NF1: variants seen among roughly 807,000 people sequenced by gnomAD.
The protein encoded by NF1 is neurofibromin 1, also known as neurofibromin.
Under a neutral mutation model 325.7 loss-of-function variants are expected in NF1, and 122 were observed. The observed-to-expected ratio is 0.37, with a 90% CI of 0.32 to 0.44. The LOEUF is 0.44. NF1 is among the 20% of genes least tolerant of loss of function. The probability of loss-of-function intolerance (pLI) is 1.00; values close to 1 mark genes in which losing one functional copy is unlikely to be tolerated. For missense variants in NF1, 2,140 were observed against 3,415.4 expected (o/e 0.63, Z 9.31); for synonymous variants, 1,091 against 1,186.0 (o/e 0.92, Z 1.65).
chr17:31,155,637 T>A (rs1436778471), intron 1 of NF1, among the ~76,000 whole-genome samples: 1 of 152,256 alleles, frequency 6.6e-6, no homozygotes, highest in African/African-American at 2.4e-5. Flanking sequence ...ATAGCTCTGT[T>A]TCTGTGAGTC....
intron 11 of NF1, 134 bp downstream of exon 11, chr17:31,201,619 T>C: frequency 1.4e-6 from 1 of 691,068 alleles, no homozygotes; most frequent in African/African-American, 1.8e-5. Context: ...GGAAAATTTC[T>C]CCATGGTGAT....
chr17:31,103,180 C>T (rs1912517634), intron 1 of NF1, among the ~76,000 whole-genome samples: 1 of 151,406 alleles, frequency 6.6e-6, no homozygotes, highest in African/African-American at 2.4e-5. Flanking sequence ...CTGTTTTTTG[C>T]CCTACTCTTT....
chr17:31,310,443 T>C (rs1238297222), intron 36 of NF1, among the ~76,000 whole-genome samples: 1 of 149,982 alleles, frequency 6.7e-6, no homozygotes, highest in Non-Finnish European at 1.5e-5. Context: ...TGGGGGGAGA[T>C]GATTGAAGTA....
rs2151538174 is a variant in NF1, at chr17:31,326,008, C to T, written c.5024C>T (p.Ser1675Phe). 1 of 1,614,194 alleles carries T rather than the reference C, an allele frequency of 6.2e-7. No homozygotes were observed. ...VFPGFAYDNVSAVYIYNCNSW... is the reference protein window; with the variant it reads ...VFPGFAYDNVFAVYIYNCNSW... ...CCTGGCTTTGCTTACGACAACGTCT[C>T]CGCAGTCTATATCTATAACTGTAAC... The change falls in exon 37 of 58, where the codon TCC (serine) becomes TTC (phenylalanine). Residue 1675 changes from serine (S) to phenylalanine (F), a missense_variant. Around this residue, in one of 10 missense-constraint regions of NF1, gnomAD observed 103 missense variants for 214.6 expected, o/e 0.48. Coordinates refer to ENST00000358273, the MANE Select transcript of NF1 (RefSeq NM_001042492.3).
At chr17:31,226,771 TG>T (rs1304767081) in intron 18 of NF1, 87 bp downstream of exon 18, 1 of 1,566,092 alleles carries the variant, frequency 6.4e-7, no homozygotes, top group Non-Finnish European at 8.7e-7. Context: ...GTCACTACTT[TG>T]TAAGTTTACA....
At chr17:31,258,275 GAA>G (rs1306439704) in intron 31 of NF1, 67 bp from the exon 32 acceptor site, 7 of 1,560,174 alleles carry the variant, frequency 4.5e-6, no homozygotes, top group Non-Finnish European at 6.2e-6. Flanking sequence ...TTTGACCTTT[GAA>G]CTCTTTGTTT....
chr17:31,300,737 A>AT (rs2068556124), intron 36 of NF1, among the ~76,000 whole-genome samples: 2 of 152,182 alleles, frequency 1.3e-5, no homozygotes, highest in South Asian at 4.1e-4. Context: ...ATTCCTCTCC[A>AT]TTGATTATAC....
At chr17:31,335,849 T>C (rs1365530911) in intron 40 of NF1, among the ~76,000 whole-genome samples, 2 of 130,052 alleles carry the variant, frequency 1.5e-5, no homozygotes, top group African/African-American at 5.3e-5. Context: ...TGGCTAATTT[T>C]TGTATTTTTT....
chr17:31,252,137 T>TA (rs2067504717), intron 30 of NF1: 2 of 216,810 alleles, frequency 9.2e-6, no homozygotes, highest in Admixed American at 1.2e-4. Flanking sequence ...TTTTTTTTTT[T>TA]TTAAGATATT....
At chr17:31,176,422 GGTAGATT>G (rs1178376835) in intron 5 of NF1, among the ~76,000 whole-genome samples, 12 of 152,138 alleles carry the variant, frequency 7.9e-5, no homozygotes, top group African/African-American at 2.4e-4. Flanking sequence ...TTGTCAGATG[GGTAGATT>G]GCAAAAATTT....
In NF1 at chr17:31,142,858, C is replaced by T. The variant is rs150192181; in HGVS notation, c.61-13125C>T. ...CTCCAGCCTGGGCGATAGAGCGAGACTCTGTCTCAAAAAAAAAAAAAAATT... is the reference window on the plus strand; with the variant it reads ...CTCCAGCCTGGGCGATAGAGCGAGATTCTGTCTCAAAAAAAAAAAAAAATT... On this transcript the variant is annotated intron_variant, in intron 1 of 57. Transcript: ENST00000358273. Among the ~76,000 whole-genome samples the T allele has an allele frequency of 5.5e-3, 709 of 129,826 alleles. 6 individuals are homozygous for T. Among genetic ancestry groups the T allele is most frequent in the Non-Finnish European group, 8.9e-3 (507 of 57,040 alleles). 85.2% of individuals were successfully genotyped at this position (129,826 alleles called of 152,430 possible).
At chr17:31,218,020 C>T (rs957201127) in intron 13 of NF1, among the ~76,000 whole-genome samples, 9 of 151,666 alleles carry the variant, frequency 5.9e-5, no homozygotes, top group Non-Finnish European at 2.9e-5. Context: ...TATTTTTCCA[C>T]GATGAAAAGG....
intron 8 of NF1, among the ~76,000 whole-genome samples, chr17:31,184,372 G>T (rs900227163): frequency 1.1e-4 from 16 of 152,260 alleles, no homozygotes; most frequent in Admixed American, 2.0e-4. Flanking sequence ...ATGATGGGCC[G>T]GGCGCGGTGG....
intron 55 of NF1, 71 bp downstream of exon 55, chr17:31,358,693 A>C (rs2151585445): frequency 6.4e-7 from 1 of 1,555,172 alleles, no homozygotes; most frequent in Non-Finnish European, 8.9e-7. Flanking sequence ...GAATGCACTG[A>C]CTACAGAATT....
chr17:31,261,490 G>C (rs981642623), intron 34 of NF1, among the ~76,000 whole-genome samples: 2 of 152,150 alleles, frequency 1.3e-5, no homozygotes, highest in African/African-American at 4.8e-5. Context: ...GGACTGTGAA[G>C]CTAAGGGTAA....
chr17:31,125,963 G>A (rs145399483), intron 1 of NF1, among the ~76,000 whole-genome samples: 1 of 152,272 alleles, frequency 6.6e-6, no homozygotes, highest in Admixed American at 6.5e-5. Context: ...GGGGCCGGGT[G>A]CAGTGGCTTA....
At chr17:31,218,177 G>C (rs1483405625) in intron 13 of NF1, among the ~76,000 whole-genome samples, 4 of 152,052 alleles carry the variant, frequency 2.6e-5, no homozygotes, top group African/African-American at 4.8e-5. Flanking sequence ...CTTTACCTTT[G>C]ATCACAATCA....
chr17:31,216,734 A>G (rs1219231036), intron 13 of NF1, among the ~76,000 whole-genome samples: 3 of 152,120 alleles, frequency 2.0e-5, no homozygotes, highest in African/African-American at 7.2e-5. Flanking sequence ...AGGGTCGTGC[A>G]AAATCTTTCT....
intron 36 of NF1, among the ~76,000 whole-genome samples, chr17:31,302,501 A>G (rs2068597030): frequency 6.6e-6 from 1 of 152,172 alleles, no homozygotes; most frequent in Non-Finnish European, 1.5e-5. Flanking sequence ...AAAGAATAAT[A>G]GGAAATTCTC....
Sources: gnomAD v4.1 joint callset for allele counts (sites outside exome capture counted in the v4.1 genomes callset) on GRCh38, gnomAD v4.1.1 for gene constraint, gnomAD v4.1.1 regional missense constraint, MANE v1.5 for transcripts, NCBI Gene and HGNC (gene_info 2026-07-23, HGNC 2026-07-21) for gene names.